Variants in PIK3R3 observed in about 807,000 individuals in gnomAD.
PIK3R3 encodes phosphoinositide-3-kinase regulatory subunit 3, also known as phosphatidylinositol 3-kinase regulatory subunit gamma.
In PIK3R3, 64 loss-of-function variants were observed where a neutral mutation model predicts 62.9. The ratio of observed to expected loss-of-function variants is 1.02; its 90% CI spans 0.83 to 1.25. PIK3R3 has a LOEUF of 1.25. Among genes scored for constraint, PIK3R3 ranks in the 50% most tolerant of loss-of-function variants. PIK3R3 has a pLI of 0.00. For missense variants in PIK3R3, 614 were observed against 561.6 expected (o/e 1.09, Z -0.94); for synonymous variants, 165 against 189.0 (o/e 0.87, Z 1.04).
chr1:46,137,762 G>T (rs1033442115), upstream of PIK3R3, among the ~76,000 whole-genome samples: 9 of 152,168 alleles, frequency 5.9e-5, no homozygotes, highest in African/African-American at 2.2e-4. Context: ...CCAGCCCAAG[G>T]CCTGGCACAC....
chr1:46,091,285 C>G (rs1026463504), intron 1 of PIK3R3, among the ~76,000 whole-genome samples: 2 of 151,938 alleles, frequency 1.3e-5, no homozygotes. Context: ...GGACTATAGG[C>G]ACGTGCTATC....
intron 3 of PIK3R3, among the ~76,000 whole-genome samples, chr1:46,073,254 C>CCCT (rs1375305686): frequency 1.3e-5 from 2 of 152,092 alleles, no homozygotes; most frequent in Non-Finnish European, 2.9e-5. Context: ...TCAAATGAGT[C>CCCT]CCTTCACTTG....
intron 1 of PIK3R3, among the ~76,000 whole-genome samples, chr1:46,099,419 TC>T (rs1233722691): frequency 6.6e-6 from 1 of 152,206 alleles, no homozygotes; most frequent in East Asian, 1.9e-4. Flanking sequence ...AGGCTTTTCT[TC>T]CTCCACCACT....
In PIK3R3 at chr1:46,061,952, C is replaced by CT; in HGVS notation, c.740dup (p.Asn249GlufsTer2). The CT allele has an allele frequency of 6.2e-7, 1 of 1,613,584 alleles. No individual in the cohort carries two copies. Among genetic ancestry groups the CT allele is most frequent in the Non-Finnish European group, 8.5e-7 (1 of 1,179,574 alleles). On this transcript the variant is annotated frameshift_variant, in exon 6 of 10. Coordinates refer to ENST00000262741, the MANE Select transcript of PIK3R3 (RefSeq NM_003629.4). LOFTEE classifies it high-confidence loss of function. ...ACCGTTCAATCTCCTTTTCATTCCC[C>CT]TCTCTGCGAAATCGCTCAATATATT...
chr1:46,134,228 T>A (rs1655844293), upstream of PIK3R3, among the ~76,000 whole-genome samples: 1 of 152,198 alleles, frequency 6.6e-6, no homozygotes, highest in East Asian at 1.9e-4. Flanking sequence ...CTTGAGCATG[T>A]CTGCTATATT....
chr1:46,101,568 C>T (rs1652680672), intron 1 of PIK3R3, among the ~76,000 whole-genome samples: 1 of 152,092 alleles, frequency 6.6e-6, no homozygotes. Context: ...ACTGAATAAA[C>T]AAAATGTGGT....
In PIK3R3 at chr1:46,043,729, G is replaced by A; in HGVS notation, c.1330C>T (p.Leu444Phe). The A allele has an allele frequency of 6.2e-7, 1 of 1,614,240 alleles. No homozygotes were observed. The highest frequency in any genetic ancestry group is 1.1e-5 in the South Asian group (1 of 91,084). Reference sequence around the variant, plus strand: ...ACAGGGTAGGCAAGCCTGACGTTGAGGGAGTCGTTGTGCTGAACCAAGGAT... The same window carrying A: ...ACAGGGTAGGCAAGCCTGACGTTGAAGGAGTCGTTGTGCTGAACCAAGGAT... ...QTSLVQHNDS[L>F]NVRLAYPVHA... is the part of the protein sequence containing the mutation. Residue 444 changes from leucine to phenylalanine, a missense_variant, in exon 10 of 10, where the codon CTC becomes TTC. By Grantham distance (22) the Leu-to-Phe change is conservative. Coordinates refer to ENST00000262741, the MANE Select transcript of PIK3R3 (RefSeq NM_003629.4).
chr1:46,097,638 A>G (rs961469263), intron 1 of PIK3R3, among the ~76,000 whole-genome samples: 1 of 151,828 alleles, frequency 6.6e-6, no homozygotes, highest in African/African-American at 2.4e-5. Flanking sequence ...CTGTAATCCC[A>G]GCACTTTGGG....
chr1:46,109,697 T>C (rs1331257327), intron 1 of PIK3R3, among the ~76,000 whole-genome samples: 1 of 152,164 alleles, frequency 6.6e-6, no homozygotes, highest in African/African-American at 2.4e-5. Context: ...TTGGCCAGGC[T>C]GGTCTCGAAC....
At chr1:46,114,900 C>T (rs1423660157) in intron 1 of PIK3R3, among the ~76,000 whole-genome samples, 1 of 151,604 alleles carries the variant, frequency 6.6e-6, no homozygotes, top group African/African-American at 2.4e-5. Context: ...CAGGCATGAG[C>T]CACAGTGCCT....
Position 46,040,471 on chromosome 1 carries a change from T to C in PIK3R3, c.*3202A>G, listed in dbSNP as rs1351370263. 4.4e-6 allele frequency: 1 copy of C among 229,852 alleles called. No homozygotes were observed. The highest frequency in any genetic ancestry group is 5.7e-5 in the Admixed American group (1 of 17,678). 14.2% of individuals were successfully genotyped at this position (229,852 alleles called of 1,614,324 possible). ...CACAAGTAACGGCACCAAAGTCACATGCTGGAATTTGTAAGGAAACGAGGT... is the reference window on the plus strand; with the variant it reads ...CACAAGTAACGGCACCAAAGTCACACGCTGGAATTTGTAAGGAAACGAGGT... On this transcript the variant is annotated 3_prime_UTR_variant, in exon 10 of 10. Transcript: ENST00000262741.
At chr1:46,140,044 A>G in the PIK3R3 span, among the ~76,000 whole-genome samples, 2 of 152,184 alleles carry the variant, frequency 1.3e-5, no homozygotes, top group Admixed American at 1.3e-4. Flanking sequence ...GCTGGAATGC[A>G]CTGGTGTGAT....
At chr1:46,164,154 A>T in the PIK3R3 span, among the ~76,000 whole-genome samples, 1 of 152,190 alleles carries the variant, frequency 6.6e-6, no homozygotes, top group Non-Finnish European at 1.5e-5. Context: ...TTGAGGATCT[A>T]TCTAGGGGTG....
chr1:46,148,874 C>G, the PIK3R3 span, among the ~76,000 whole-genome samples: 2 of 151,688 alleles, frequency 1.3e-5, no homozygotes, highest in African/African-American at 4.8e-5. Context: ...GCATTGAAAC[C>G]AGATCAACTC....
chr1:46,110,690 T>C (rs1414749246), intron 1 of PIK3R3, among the ~76,000 whole-genome samples: 2 of 152,092 alleles, frequency 1.3e-5, no homozygotes, highest in East Asian at 3.9e-4. Flanking sequence ...GTTTCACACA[T>C]AGAAGCCATT....
At chr1:46,098,096 A>G (rs554401688) in intron 1 of PIK3R3, among the ~76,000 whole-genome samples, 13 of 152,322 alleles carry the variant, frequency 8.5e-5, no homozygotes, top group Non-Finnish European at 1.5e-4. Flanking sequence ...TCTACACACT[A>G]GCAATGAACA....
chr1:46,064,114 G>C (rs558671288), intron 5 of PIK3R3, among the ~76,000 whole-genome samples: 44 of 152,312 alleles, frequency 2.9e-4, no homozygotes, highest in African/African-American at 9.9e-4. Context: ...TCAGGAGGCT[G>C]AGGCAAGAGA....
intron 3 of PIK3R3, among the ~76,000 whole-genome samples, chr1:46,073,634 CTTT>C (rs902158269): frequency 6.6e-6 from 1 of 151,780 alleles, no homozygotes; most frequent in African/African-American, 2.4e-5. Context: ...TTTCTTTTTT[CTTT>C]GAGATGGAGT....
rs77464048 is a variant in PIK3R3 at position 46,082,739 on chromosome 1, G to A, written c.107-1989C>T. ...AATTGTAAGCAATCTTGGGGGGAAG[G>A]AGAACAATGTGAATATTTCCCCCCA... On this transcript the variant is annotated intron_variant, in intron 1 of 9. Transcript: ENST00000262741. Among the ~76,000 whole-genome samples, 83 of 152,152 alleles carry A rather than the reference G, an allele frequency of 5.5e-4. No homozygotes were observed. The East Asian group carries it at 0.013, about 24-fold the overall frequency.
Sources: gnomAD v4.1 joint callset for allele counts (sites outside exome capture counted in the v4.1 genomes callset) on GRCh38, gnomAD v4.1.1 for gene constraint, MANE v1.5 for transcripts, NCBI Gene and HGNC (gene_info 2026-07-23, HGNC 2026-07-21) for gene names.